The following DLGAP1 variants were observed in gnomAD, a reference collection of about 807,000 sequenced individuals.
The protein encoded by DLGAP1 is DLG associated protein 1.
In DLGAP1, 11 loss-of-function variants were observed where a neutral mutation model predicts 90.8. That is an observed-to-expected ratio of 0.12 (90% CI 0.08 to 0.20). DLGAP1 has a LOEUF of 0.20. Ranked by LOEUF, DLGAP1 falls within the 10% of genes least tolerant of loss-of-function variation. DLGAP1 has a pLI of 1.00. For missense variants in DLGAP1, 1,050 were observed against 1,333.8 expected (o/e 0.79, Z 3.31); for synonymous variants, 558 against 540.7 (o/e 1.03, Z -0.44).
chr18:4,117,532 TG>T (rs2076082797), intron 2 of DLGAP1, among the ~76,000 whole-genome samples: 1 of 152,244 alleles, frequency 6.6e-6, no homozygotes, highest in African/African-American at 2.4e-5. Flanking sequence ...AGCCTGGCTA[TG>T]TAGAGATTTC....
intron 10 of DLGAP1, among the ~76,000 whole-genome samples, chr18:3,511,352 T>A (rs1435172400): frequency 6.6e-6 from 1 of 152,210 alleles, no homozygotes; most frequent in East Asian, 1.9e-4. Flanking sequence ...AGGTAAGTTC[T>A]TTCTTCCAAA....
At chr18:3,623,776 CAAAAAAA>C (rs56352605) in intron 7 of DLGAP1, among the ~76,000 whole-genome samples, 4 of 92,336 alleles carry the variant, frequency 4.3e-5, no homozygotes, top group African/African-American at 1.1e-4. Flanking sequence ...GACTCCGTCT[CAAAAAAA>C]AAAAAAAAAA....
intron 9 of DLGAP1, among the ~76,000 whole-genome samples, chr18:3,560,604 A>C (rs1045506013): frequency 4.0e-5 from 6 of 150,164 alleles, no homozygotes; most frequent in Admixed American, 4.0e-4. Context: ...AAAAAAAAAA[A>C]AAAAGCATGT....
chr18:3,580,144 T>A, intron 8 of DLGAP1: 1 of 1,182,600 alleles, frequency 8.5e-7, no homozygotes, highest in Non-Finnish European at 1.3e-6. Flanking sequence ...TAGCTGCTAA[T>A]AATGTCTACA....
intron 7 of DLGAP1, among the ~76,000 whole-genome samples, chr18:3,641,451 C>T (rs1371212953): frequency 3.3e-5 from 5 of 149,632 alleles, no homozygotes; most frequent in Non-Finnish European, 4.4e-5. Flanking sequence ...GCAGGAGAAT[C>T]GCTTGAACCC....
At chr18:3,927,870 G>C (rs1049453353) in intron 3 of DLGAP1, among the ~76,000 whole-genome samples, 1 of 152,154 alleles carries the variant, frequency 6.6e-6, no homozygotes, top group Admixed American at 6.5e-5. Flanking sequence ...TTTTAAAAAT[G>C]TCGAGTGATT....
At chr18:4,150,005 C>T (rs2076647809) in intron 2 of DLGAP1, among the ~76,000 whole-genome samples, 1 of 152,228 alleles carries the variant, frequency 6.6e-6, no homozygotes, top group Non-Finnish European at 1.5e-5. Flanking sequence ...TCCTGCTGCA[C>T]ATCTTTCTAA....
Position 4,252,659 on chromosome 18 carries a change from T to TCAAAA in DLGAP1, c.-266-101377_-266-101373dup, listed in dbSNP as rs372824751. Among the ~76,000 whole-genome samples the TCAAAA allele has an allele frequency of 3.0e-3, 458 of 152,320 alleles. 3 individuals carry two copies. Among genetic ancestry groups the TCAAAA allele is most frequent in the Admixed American group, 5.4e-3 (82 of 15,294 alleles). On this transcript the variant is annotated intron_variant, in intron 1 of 12. Transcript: ENST00000315677. Reference sequence around the variant, plus strand: ...AGCTAAAGAAACGAAAGCCAAATATTCAAAACAAAACAAAACTGTTAGGTT... The same window carrying TCAAAA: ...AGCTAAAGAAACGAAAGCCAAATATTCAAAACAAAACAAAACAAAACTGTTAGGTT...
At chr18:3,538,864 C>T (rs16945019) in intron 9 of DLGAP1, among the ~76,000 whole-genome samples, 8,641 of 152,304 alleles carry the variant, frequency 0.057, 345 homozygotes, top group East Asian at 0.12. Context: ...AACTGTACTA[C>T]CCGCATTCCT....
chr18:4,092,388 G>C (rs2075784860), intron 2 of DLGAP1, among the ~76,000 whole-genome samples: 1 of 152,126 alleles, frequency 6.6e-6, no homozygotes, highest in Non-Finnish European at 1.5e-5. Flanking sequence ...CTTAGGAGTG[G>C]GGCTTGCTCT....
chr18:3,688,482 AC>A (rs1017097962), intron 7 of DLGAP1, among the ~76,000 whole-genome samples: 3 of 152,244 alleles, frequency 2.0e-5, no homozygotes, highest in African/African-American at 7.2e-5. Flanking sequence ...TTAAAAAAAA[AC>A]AAAAGAAAAA....
chr18:3,943,884 G>GTGTCCACACA (rs1294086023), intron 3 of DLGAP1, among the ~76,000 whole-genome samples: 16 of 152,134 alleles, frequency 1.1e-4, no homozygotes, highest in Middle Eastern at 3.2e-3. Context: ...AGACACACAG[G>GTGTCCACACA]GAGGACCATG....
At chr18:4,047,050 A>T (rs990841320) in intron 2 of DLGAP1, among the ~76,000 whole-genome samples, 1 of 152,216 alleles carries the variant, frequency 6.6e-6, no homozygotes, top group Non-Finnish European at 1.5e-5. Context: ...TTTCCAGCCT[A>T]CTCAAATAAC....
chr18:4,345,888 TAC>T (rs2081294028), intron 1 of DLGAP1, among the ~76,000 whole-genome samples: 1 of 152,228 alleles, frequency 6.6e-6, no homozygotes, highest in Admixed American at 6.5e-5. Context: ...TTCAAACTCT[TAC>T]ACAGTGTTAG....
chr18:3,638,597 G>T (rs1233067667), intron 7 of DLGAP1, among the ~76,000 whole-genome samples: 1 of 151,940 alleles, frequency 6.6e-6, no homozygotes, highest in African/African-American at 2.4e-5. Context: ...TCTTCCCTCA[G>T]TCACATTAAT....
At chr18:3,908,438 T>A (rs973416547) in intron 3 of DLGAP1, among the ~76,000 whole-genome samples, 1 of 152,174 alleles carries the variant, frequency 6.6e-6, no homozygotes, top group Non-Finnish European at 1.5e-5. Flanking sequence ...TGATTCAAGA[T>A]CCTCATCAGT....
At chr18:4,188,535 A>C (rs2077339387) in intron 1 of DLGAP1, among the ~76,000 whole-genome samples, 1 of 152,180 alleles carries the variant, frequency 6.6e-6, no homozygotes, top group African/African-American at 2.4e-5. Flanking sequence ...CTCATTGTTC[A>C]ACTTCCACTT....
At chr18:4,379,983 C>G (rs974618137) in intron 1 of DLGAP1, among the ~76,000 whole-genome samples, 1 of 152,000 alleles carries the variant, frequency 6.6e-6, no homozygotes, top group African/African-American at 2.4e-5. Flanking sequence ...AGCATTAATC[C>G]CATGTTCAAA....
At chr18:3,621,381 G>A (rs1281152826) in intron 7 of DLGAP1, among the ~76,000 whole-genome samples, 1 of 152,172 alleles carries the variant, frequency 6.6e-6, no homozygotes, top group African/African-American at 2.4e-5. Context: ...AACATAGTGA[G>A]ACCTTGTCTG....
Sources: gnomAD v4.1 joint callset for allele counts (sites outside exome capture counted in the v4.1 genomes callset) on GRCh38, gnomAD v4.1.1 for gene constraint, MANE v1.5 for transcripts, NCBI Gene and HGNC (gene_info 2026-07-23, HGNC 2026-07-21) for gene names.